The following SMAD5 variants were observed in gnomAD, a reference collection of about 807,000 sequenced individuals.
SMAD5 encodes the protein SMAD family member 5, also known as MAD, mothers against decapentaplegic homolog 5.
SMAD5 carries 9 observed loss-of-function variants against 43.1 expected under a neutral mutation model. The ratio of observed to expected loss-of-function variants is 0.21; its 90% CI spans 0.13 to 0.36. The LOEUF (loss-of-function observed/expected upper bound fraction) is 0.36, where lower values mean the gene tolerates loss of function less well. Among genes scored for constraint, SMAD5 ranks in the 10% least tolerant of loss-of-function variants. The pLI is 1.00. For synonymous variants in SMAD5, 190 were observed against 192.4 expected, an observed-to-expected ratio of 0.99 and a Z score of 0.10; for missense variants, 348 against 574.0, an observed-to-expected ratio of 0.61 and a Z score of 4.02.
chr5:136,144,147 G>A (rs1753184254), intron 1 of SMAD5, among the ~76,000 whole-genome samples: 2 of 151,994 alleles, frequency 1.3e-5, no homozygotes, highest in African/African-American at 2.4e-5. Context: ...CACCTAACAC[G>A]AATTGTCCCG....
At chr5:136,143,551 C>G (rs2149761736) in intron 1 of SMAD5, among the ~76,000 whole-genome samples, 1 of 152,164 alleles carries the variant, frequency 6.6e-6, no homozygotes, top group East Asian at 1.9e-4. Context: ...TTTTGCTTCA[C>G]AGTCAGACTA....
At chr5:136,137,070 C>T (rs976809474) in intron 1 of SMAD5, among the ~76,000 whole-genome samples, 1 of 149,280 alleles carries the variant, frequency 6.7e-6, no homozygotes, top group African/African-American at 2.5e-5. Flanking sequence ...GTTTTTGGCC[C>T]AGTTCTAGTA....
chr5:136,165,358 G>T (rs1292953175), intron 5 of SMAD5, among the ~76,000 whole-genome samples: 1 of 151,842 alleles, frequency 6.6e-6, no homozygotes, highest in Non-Finnish European at 1.5e-5. Context: ...TGTTGCCCAG[G>T]CTGGCCCTGT....
chr5:136,159,551 A>G (rs966927686), intron 3 of SMAD5, among the ~76,000 whole-genome samples: 1 of 152,176 alleles, frequency 6.6e-6, no homozygotes, highest in African/African-American at 2.4e-5. Flanking sequence ...CTAAAGAAAA[A>G]AAAAAGCAAA....
At chr5:136,151,676 A>G (rs919632007) in intron 2 of SMAD5, among the ~76,000 whole-genome samples, 1 of 151,348 alleles carries the variant, frequency 6.6e-6, no homozygotes, top group African/African-American at 2.4e-5. Context: ...TCATACACAT[A>G]CTCTCTCACA....
At chr5:136,177,270 T>G in intron 7 of SMAD5, 67 bp from the exon 8 acceptor site, 2 of 1,387,804 alleles carry the variant, frequency 1.4e-6, no homozygotes, top group Non-Finnish European at 2.0e-6. Flanking sequence ...TTTCTTATGG[T>G]AAAATTGGTT....
At chr5:136,166,573 G>A (rs1342298227) in intron 5 of SMAD5, among the ~76,000 whole-genome samples, 1 of 152,114 alleles carries the variant, frequency 6.6e-6, no homozygotes, top group African/African-American at 2.4e-5. Context: ...GCTTTGCAAT[G>A]TAGGTAGTTT....
chr5:136,173,944 T>G (rs891346110), intron 6 of SMAD5, among the ~76,000 whole-genome samples: 29 of 147,032 alleles, frequency 2.0e-4, no homozygotes, highest in Non-Finnish European at 3.0e-5. Context: ...GTAACTTTGG[T>G]TTTTTTTTAG....
intron 3 of SMAD5, among the ~76,000 whole-genome samples, chr5:136,155,493 C>A (rs1359205770): frequency 1.3e-5 from 2 of 152,188 alleles, no homozygotes; most frequent in Non-Finnish European, 2.9e-5. Flanking sequence ...GTTTTCCACA[C>A]AACAGCCAGA....
In SMAD5 at chr5:136,144,519, C is replaced by T. The variant is rs575262004; in HGVS notation, c.-244-3313C>T. Among the ~76,000 whole-genome samples the T allele has an allele frequency of 2.5e-4, 38 of 151,780 alleles. 1 individual carries two copies. In the Middle Eastern group the frequency reaches 0.017, roughly 69 times the overall value. The stretch of plus-strand genomic sequence containing the variant: ...TTTATTGCAAAAGAAAATAGCTTGA[C>T]GATTTAAGTTCCTTGAAGCCTATTG... On this transcript the variant is annotated intron_variant, in intron 1 of 7. Coordinates refer to ENST00000545279, the MANE Select transcript of SMAD5 (RefSeq NM_005903.7).
chr5:136,165,662 A>ATTTTTTTTTTT (rs58156387), intron 5 of SMAD5, among the ~76,000 whole-genome samples: 5 of 65,450 alleles, frequency 7.6e-5, no homozygotes, highest in South Asian at 6.4e-4. Flanking sequence ...GAATCATACA[A>ATTTTTTTTTTT]TTTTTTTTTT....
chr5:136,158,745 A>G (rs2149771715), intron 3 of SMAD5, among the ~76,000 whole-genome samples: 1 of 152,242 alleles, frequency 6.6e-6, no homozygotes, highest in Admixed American at 6.5e-5. Context: ...TAAAAATACA[A>G]AAAATTAGCC....
chr5:136,165,662 A>ATATTTTTTTTTTTTTTTT (rs1561653930), intron 5 of SMAD5, among the ~76,000 whole-genome samples: 1 of 65,456 alleles, frequency 1.5e-5, no homozygotes, highest in African/African-American at 5.5e-5. Context: ...GAATCATACA[A>ATATTTTTTTTTTTTTTTT]TTTTTTTTTT....
intron 3 of SMAD5, among the ~76,000 whole-genome samples, chr5:136,158,597 A>T (rs1262860543): frequency 1.3e-5 from 2 of 152,150 alleles, no homozygotes; most frequent in Non-Finnish European, 2.9e-5. Flanking sequence ...TATAGGTTGG[A>T]ACCAAAAGTT....
chr5:136,148,887 A>G (rs984687078), intron 2 of SMAD5, among the ~76,000 whole-genome samples: 1 of 151,848 alleles, frequency 6.6e-6, no homozygotes. Flanking sequence ...TTTTAAAGAT[A>G]TTTTTAAAAA....
chr5:136,172,397 A>C, intron 5 of SMAD5, 37 bp from the exon 6 acceptor site: 1 of 1,195,842 alleles, frequency 8.4e-7, no homozygotes, highest in African/African-American at 1.5e-5. Context: ...AGTTTCTGAT[A>C]TGTATTAAAC....
chr5:136,160,395 A>C (rs992763819), intron 3 of SMAD5, among the ~76,000 whole-genome samples: 11 of 151,974 alleles, frequency 7.2e-5, no homozygotes, highest in African/African-American at 2.7e-4. Flanking sequence ...TGATTTTCTC[A>C]TCTCCTCTGC....
rs1226720194 is a variant in SMAD5 at position 136,132,852 on chromosome 5, T to A, written c.-355T>A. 1 of 152,266 alleles carries A rather than the reference T, an allele frequency of 6.6e-6. No homozygotes were observed. Among genetic ancestry groups the A allele is most frequent in the African/African-American group, 2.4e-5 (1 of 41,460 alleles). 9.4% of individuals were successfully genotyped at this position (152,266 alleles called of 1,614,324 possible). A position where few individuals can be genotyped will look rare whatever the true frequency, so the allele number is the denominator to read the frequency against. On this transcript the variant is annotated 5_prime_UTR_variant, in exon 1 of 8. Coordinates refer to ENST00000545279, the MANE Select transcript of SMAD5 (RefSeq NM_005903.7). ...CCTCTCCCTCCCTCCCTCATCCGGG[T>A]CCTGGGCGAGCGGGCGCCGTGCGCG...
chr5:136,136,485 C>T (rs1752882144), intron 1 of SMAD5, among the ~76,000 whole-genome samples: 1 of 152,190 alleles, frequency 6.6e-6, no homozygotes, highest in South Asian at 2.1e-4. Context: ...TTGTCACATA[C>T]CCTTTACCTC....
Sources: gnomAD v4.1 joint callset for allele counts (sites outside exome capture counted in the v4.1 genomes callset) on GRCh38, gnomAD v4.1.1 for gene constraint, MANE v1.5 for transcripts, NCBI Gene and HGNC (gene_info 2026-07-23, HGNC 2026-07-21) for gene names.